ZNF536: variants seen among roughly 807,000 people sequenced by gnomAD.
The protein encoded by ZNF536 is zinc finger protein 536.
In ZNF536, 13 loss-of-function variants were observed where a neutral mutation model predicts 84.5. That is an observed-to-expected ratio of 0.15 (90% CI 0.10 to 0.24). The LOEUF (loss-of-function observed/expected upper bound fraction) is 0.24, where lower values mean the gene tolerates loss of function less well. ZNF536 is among the 10% of genes least tolerant of loss of function. The pLI, the probability that ZNF536 is intolerant of heterozygous loss-of-function variation, is 1.00. For synonymous variants in ZNF536, 811 were observed against 742.5 expected, an observed-to-expected ratio of 1.09 and a Z score of -1.50; for missense variants, 1,536 against 1,747.5, an observed-to-expected ratio of 0.88 and a Z score of 2.16.
chr19:30,575,697 G>A (rs935402719), intron 1 of ZNF536, among the ~76,000 whole-genome samples: 2 of 152,208 alleles, frequency 1.3e-5, no homozygotes, highest in African/African-American at 4.8e-5. Flanking sequence ...GAGAAATAAG[G>A]CAAACCAGGA....
At chr19:30,279,095 C>T (rs570037579) in intron 1 of ZNF536, among the ~76,000 whole-genome samples, 3 of 152,334 alleles carry the variant, frequency 2.0e-5, no homozygotes, top group East Asian at 3.9e-4. Context: ...CGCCGTTGCC[C>T]GCATTCTCGC....
intron 2 of ZNF536, among the ~76,000 whole-genome samples, chr19:30,324,708 G>A (rs2046967194): frequency 6.6e-6 from 1 of 152,172 alleles, no homozygotes; most frequent in African/African-American, 2.4e-5. Context: ...GTGTTCTAAT[G>A]AGAGATTCAG....
chr19:30,537,033 A>C (rs953410951), intron 3 of ZNF536, among the ~76,000 whole-genome samples: 6 of 151,954 alleles, frequency 3.9e-5, no homozygotes, highest in Non-Finnish European at 8.8e-5. Context: ...AGCATCTGAC[A>C]CACCATGCAT....
chr19:30,329,963 T>C (rs1017628748), intron 2 of ZNF536, among the ~76,000 whole-genome samples: 3 of 152,152 alleles, frequency 2.0e-5, no homozygotes, highest in Non-Finnish European at 4.4e-5. Flanking sequence ...TATTGCAAAG[T>C]AATATGGTTT....
chr19:30,368,470 A>C (rs1220361857), upstream of ZNF536, among the ~76,000 whole-genome samples: 1 of 152,146 alleles, frequency 6.6e-6, no homozygotes, highest in Non-Finnish European at 1.5e-5. Context: ...CGTCCTGCTG[A>C]TGTGCCTGCG....
intron 1 of ZNF536, among the ~76,000 whole-genome samples, chr19:30,653,866 T>C (rs1409718586): frequency 6.6e-6 from 1 of 152,184 alleles, no homozygotes. Flanking sequence ...ACACAGGGCA[T>C]GTGCAATGGT....
chr19:30,670,954 C>T (rs754573698), intron 1 of ZNF536, among the ~76,000 whole-genome samples: 3 of 152,210 alleles, frequency 2.0e-5, no homozygotes, highest in Non-Finnish European at 4.4e-5. Flanking sequence ...TCTCCCCACC[C>T]CATTCTGCCC....
upstream of ZNF536, among the ~76,000 whole-genome samples, chr19:30,367,439 G>A (rs2048471301): frequency 6.6e-6 from 1 of 152,218 alleles, no homozygotes; most frequent in African/African-American, 2.4e-5. Flanking sequence ...CCATTGAGGT[G>A]GATGGACTGG....
At chr19:30,672,727 A>G (rs1003177712) in intron 1 of ZNF536, among the ~76,000 whole-genome samples, 3 of 152,172 alleles carry the variant, frequency 2.0e-5, no homozygotes, top group Non-Finnish European at 4.4e-5. Flanking sequence ...TTCCAGAATC[A>G]TACCCTAAGA....
chr19:30,618,652 T>C (rs1217377657), intron 1 of ZNF536, among the ~76,000 whole-genome samples: 1 of 152,128 alleles, frequency 6.6e-6, no homozygotes, highest in African/African-American at 2.4e-5. Context: ...ATTTCTCCAT[T>C]AATAGTATAG....
At chr19:30,320,280 G>A (rs532777254) in intron 2 of ZNF536, among the ~76,000 whole-genome samples, 5 of 152,166 alleles carry the variant, frequency 3.3e-5, no homozygotes, top group South Asian at 2.1e-4. Context: ...CTGATAAATC[G>A]TATAGAAATG....
At chr19:30,311,061 C>G (rs1006397203) in intron 2 of ZNF536, among the ~76,000 whole-genome samples, 3 of 152,176 alleles carry the variant, frequency 2.0e-5, no homozygotes, top group African/African-American at 7.2e-5. Context: ...TCCCTAGGGC[C>G]TGGAGGTGAC....
Position 30,684,958 on chromosome 19 carries a change from G to A in ZNF536, c.170-25799G>A, listed in dbSNP as rs978410858. ...ATGTTTTCAGTGCGTCTTCCAGGGGGTTATGTGGGAGGGGGTTGTCTCAAT... is the reference window on the plus strand; with the variant it reads ...ATGTTTTCAGTGCGTCTTCCAGGGGATTATGTGGGAGGGGGTTGTCTCAAT... On this transcript the variant is annotated intron_variant, in intron 1 of 1. Coordinates refer to the ZNF536 transcript ENST00000592773. Among the ~76,000 whole-genome samples, 9 of 152,258 alleles carry A rather than the reference G, an allele frequency of 5.9e-5. 1 individual carries two copies. Among genetic ancestry groups the A allele is most frequent in the African/African-American group, 1.9e-4 (8 of 41,548 alleles).
intron 1 of ZNF536, among the ~76,000 whole-genome samples, chr19:30,705,609 A>G (rs1329358642): frequency 6.6e-6 from 1 of 152,188 alleles, no homozygotes; most frequent in Admixed American, 6.5e-5. Context: ...AAGCTCAAAT[A>G]TGAGGATAAA....
chr19:30,568,080 A>C (rs2046416486), intron 1 of ZNF536, among the ~76,000 whole-genome samples: 2 of 152,238 alleles, frequency 1.3e-5, no homozygotes, highest in Admixed American at 6.5e-5. Context: ...CCGCAGATGT[A>C]CAAATTAGGT....
intron 1 of ZNF536, among the ~76,000 whole-genome samples, chr19:30,373,654 G>C (rs1450575211): frequency 6.6e-6 from 1 of 152,206 alleles, no homozygotes; most frequent in East Asian, 1.9e-4. Flanking sequence ...TCCTCAATGA[G>C]AGCACACCTG....
intron 2 of ZNF536, among the ~76,000 whole-genome samples, chr19:30,293,939 A>C (rs2045920214): frequency 6.6e-6 from 1 of 152,134 alleles, no homozygotes; most frequent in South Asian, 2.1e-4. Context: ...AAATAGGGAT[A>C]GCTATTAGAT....
At position 30,319,874 on chromosome 19, in the gene ZNF536, A is replaced by C. The variant is rs572737775; in HGVS notation, c.-119-32494A>C. Among the ~76,000 whole-genome samples, 5 of 152,356 alleles carry C rather than the reference A, an allele frequency of 3.3e-5. No homozygotes were observed. In the South Asian group the frequency reaches 6.2e-4, roughly 19 times the overall value. On this transcript the variant is annotated intron_variant, in intron 2 of 5. Transcript: ENST00000585628. ...AGTAAAGGTTTTTGTTGAATTTCTC[A>C]TAAATTAAAACAATTAAAATATAAA...
intron 1 of ZNF536, among the ~76,000 whole-genome samples, chr19:30,700,252 C>CTT (rs2051877652): frequency 9.5e-6 from 1 of 105,138 alleles, no homozygotes; most frequent in Non-Finnish European, 2.2e-5. Context: ...CTCTCTCTCT[C>CTT]TCTTTCTTTC....
Sources: gnomAD v4.1 joint callset for allele counts (sites outside exome capture counted in the v4.1 genomes callset) on GRCh38, gnomAD v4.1.1 for gene constraint, MANE v1.5 for transcripts, NCBI Gene and HGNC (gene_info 2026-07-23, HGNC 2026-07-21) for gene names.